The following ADARB2 variants were observed in gnomAD, a reference collection of about 807,000 sequenced individuals.
ADARB2 encodes the protein adenosine deaminase RNA specific B2 (inactive).
A neutral mutation model predicts 62.2 loss-of-function variants in ADARB2; 25 were observed. The ratio of observed to expected loss-of-function variants is 0.40; its 90% CI spans 0.29 to 0.56. The LOEUF is 0.56. Ranked by LOEUF, ADARB2 falls within the 20% of genes least tolerant of loss-of-function variation. The pLI is 0.43. For missense variants in ADARB2, 1,071 were observed against 1,077.4 expected (o/e 0.99, Z 0.08); for synonymous variants, 572 against 500.8 (o/e 1.14, Z -1.90).
At chr10:1,272,862 C>G (rs901375023) in intron 3 of ADARB2, among the ~76,000 whole-genome samples, 6 of 152,198 alleles carry the variant, frequency 3.9e-5, no homozygotes, top group African/African-American at 9.7e-5. Context: ...TTCATCCCCC[C>G]GAAGCTCTGG....
chr10:1,693,933 C>A (rs1215840908), intron 1 of ADARB2, among the ~76,000 whole-genome samples: 1 of 152,176 alleles, frequency 6.6e-6, no homozygotes, highest in Non-Finnish European at 1.5e-5. Flanking sequence ...CAGGGTTTCC[C>A]AAAGTGTGTA....
intron 1 of ADARB2, among the ~76,000 whole-genome samples, chr10:1,582,089 G>A (rs4880878): frequency 0.78 from 119,150 of 152,162 alleles, 47,244 homozygotes; most frequent in East Asian, 0.86. Flanking sequence ...ACTTGCTGTC[G>A]AGGGCTAACA....
chr10:1,628,331 G>A (rs1277748266), intron 1 of ADARB2, among the ~76,000 whole-genome samples: 1 of 152,218 alleles, frequency 6.6e-6, no homozygotes, highest in Non-Finnish European at 1.5e-5. Context: ...CCGATGTTAG[G>A]CTGCGTTACG....
chr10:1,266,659 A>G (rs79188332), intron 4 of ADARB2, among the ~76,000 whole-genome samples: 3,548 of 152,250 alleles, frequency 0.023, 53 homozygotes, highest in African/African-American at 0.036. Flanking sequence ...CTACAATACC[A>G]GTCTAACGTC....
chr10:1,554,153 G>A (rs553766796), intron 1 of ADARB2, among the ~76,000 whole-genome samples: 2 of 152,258 alleles, frequency 1.3e-5, no homozygotes, highest in East Asian at 3.9e-4. Context: ...CATCTGCAGG[G>A]CAGGCCCTGG....
intron 1 of ADARB2, among the ~76,000 whole-genome samples, chr10:1,502,798 A>G (rs1194744115): frequency 1.3e-5 from 2 of 152,202 alleles, no homozygotes; most frequent in African/African-American, 4.8e-5. Context: ...AAACGGGATC[A>G]TGTTGTCTGG....
intron 1 of ADARB2, among the ~76,000 whole-genome samples, chr10:1,598,937 G>A (rs1325293088): frequency 1.3e-5 from 2 of 152,216 alleles, no homozygotes; most frequent in Non-Finnish European, 2.9e-5. Flanking sequence ...CCAGGGCCGC[G>A]GTGCACACCT....
Position 1,363,013 on chromosome 10 carries a change from C to A in ADARB2, c.1077+15G>T, listed in dbSNP as rs764732081. ...CAGCGCCGCCCGTTCCCCCTGCACC[C>A]GCCGCGCCCCTCACCTGCGGCATTG... On this transcript the variant is annotated intron_variant, in intron 3 of 9. Coordinates refer to ENST00000381312, the MANE Select transcript of ADARB2 (RefSeq NM_018702.4). 2 of 1,335,522 alleles carry A rather than the reference C, an allele frequency of 1.5e-6. No individual in the cohort carries two copies. Among genetic ancestry groups the A allele is most frequent in the South Asian group, 2.0e-5 (1 of 50,828 alleles). 82.7% of individuals were successfully genotyped at this position (1,335,522 alleles called of 1,614,324 possible). A position where few individuals can be genotyped will look rare whatever the true frequency, so the allele number is the denominator to read the frequency against.
At chr10:1,192,724 G>A (rs1371030816) in intron 8 of ADARB2, among the ~76,000 whole-genome samples, 1 of 152,228 alleles carries the variant, frequency 6.6e-6, no homozygotes, top group Non-Finnish European at 1.5e-5. Flanking sequence ...GCCAAGGCAG[G>A]TGGATCATGA....
At chr10:1,512,850 TG>T (rs1831953541) in intron 1 of ADARB2, among the ~76,000 whole-genome samples, 1 of 152,170 alleles carries the variant, frequency 6.6e-6, no homozygotes, top group South Asian at 2.1e-4. Context: ...GAGTCTGTGC[TG>T]GGCTCACCCC....
chr10:1,468,976 C>T (rs1034336365), intron 1 of ADARB2, among the ~76,000 whole-genome samples: 4 of 152,202 alleles, frequency 2.6e-5, no homozygotes, highest in African/African-American at 7.2e-5. Flanking sequence ...CCCAAGTGGC[C>T]CCGCTGGGCT....
chr10:1,325,059 A>C (rs945355373), intron 3 of ADARB2, among the ~76,000 whole-genome samples: 1 of 152,210 alleles, frequency 6.6e-6, no homozygotes, highest in Non-Finnish European at 1.5e-5. Flanking sequence ...ACATGCACTT[A>C]CACTCACACG....
At chr10:1,684,848 A>C (rs1458391442) in intron 1 of ADARB2, among the ~76,000 whole-genome samples, 1 of 152,146 alleles carries the variant, frequency 6.6e-6, no homozygotes, top group Non-Finnish European at 1.5e-5. Context: ...GTGAGTTCTG[A>C]GTGTGGGTTC....
At chr10:1,669,191 G>A (rs1392649967) in intron 1 of ADARB2, among the ~76,000 whole-genome samples, 2 of 152,168 alleles carry the variant, frequency 1.3e-5, no homozygotes, top group African/African-American at 4.8e-5. Flanking sequence ...TCCTCATCAG[G>A]GCTTCACCAG....
chr10:1,695,255 C>T (rs1381715183), intron 1 of ADARB2, among the ~76,000 whole-genome samples: 5 of 152,168 alleles, frequency 3.3e-5, no homozygotes, highest in Non-Finnish European at 7.3e-5. Flanking sequence ...CAAGAATGGG[C>T]TCTGCAGAAC....
At chr10:1,436,957 G>C (rs2131892846) in intron 1 of ADARB2, among the ~76,000 whole-genome samples, 1 of 152,222 alleles carries the variant, frequency 6.6e-6, no homozygotes, top group East Asian at 1.9e-4. Flanking sequence ...AAGTATAGTA[G>C]TTACATGTTT....
At chr10:1,466,787 C>T (rs767639393) in intron 1 of ADARB2, among the ~76,000 whole-genome samples, 3 of 152,172 alleles carry the variant, frequency 2.0e-5, no homozygotes, top group East Asian at 1.9e-4. Context: ...CCACAGAGCA[C>T]GTTCCCCGTG....
chr10:1,187,685 C>T (rs1348873274), intron 8 of ADARB2, among the ~76,000 whole-genome samples: 1 of 152,204 alleles, frequency 6.6e-6, no homozygotes, highest in African/African-American at 2.4e-5. Flanking sequence ...ATGACGAGGC[C>T]CAAACACCAC....
chr10:1,725,560 G>T (rs2119039009), intron 1 of ADARB2, among the ~76,000 whole-genome samples: 1 of 152,004 alleles, frequency 6.6e-6, no homozygotes, highest in Non-Finnish European at 1.5e-5. Context: ...CTGAAGCAGG[G>T]AAAGCCCCCC....
Sources: allele counts gnomAD v4.1 joint callset (sites outside exome capture counted in the v4.1 genomes callset), GRCh38; gene constraint gnomAD v4.1.1; transcripts MANE v1.5; gene names NCBI Gene and HGNC (gene_info 2026-07-23, HGNC 2026-07-21).